The following MCF2L variants were observed in gnomAD, a reference collection of about 807,000 sequenced individuals.
MCF2L encodes guanine nucleotide exchange factor DBS.
In MCF2L, 97 loss-of-function variants were observed where a neutral mutation model predicts 153.4. The observed-to-expected ratio is 0.63, with a 90% CI of 0.54 to 0.75. The LOEUF (loss-of-function observed/expected upper bound fraction) is 0.75, where lower values mean the gene tolerates loss of function less well. MCF2L is among the 30% of genes least tolerant of loss of function. MCF2L has a pLI of 0.00. For synonymous variants in MCF2L, 659 were observed against 632.2 expected, an observed-to-expected ratio of 1.04 and a Z score of -0.64; for missense variants, 1,347 against 1,495.2, an observed-to-expected ratio of 0.90 and a Z score of 1.64.
At chr13:112,900,136 T>G (rs934794505) in intron 1 of MCF2L, among the ~76,000 whole-genome samples, 11 of 152,196 alleles carry the variant, frequency 7.2e-5, no homozygotes, top group African/African-American at 2.7e-4. Flanking sequence ...TGAGGAGAAT[T>G]TGGAAGAGAA....
Position 113,045,135 on chromosome 13 carries a change from T to C in MCF2L, c.279-136T>C. 1.1e-6 allele frequency: 1 copy of C among 927,350 alleles called. No individual in the cohort carries two copies. 57.4% of individuals were successfully genotyped at this position (927,350 alleles called of 1,614,324 possible). On this transcript the variant is annotated intron_variant, in intron 3 of 29. Coordinates refer to ENST00000535094, the MANE Select transcript of MCF2L (RefSeq NM_001112732.3). The surrounding 1 kb of genome is among the most constrained non-coding windows in gnomAD (Gnocchi z 4.2). ...GGGCTGCCGGGGCCCCCGTGTGCCA[T>C]GCCTCTCACCTGGTATTGCAGAAAT...
intron 3 of MCF2L, among the ~76,000 whole-genome samples, chr13:113,025,063 T>C (rs377439969): frequency 1.2e-5 from 1 of 83,582 alleles, no homozygotes. Flanking sequence ...TGACTGTGGG[T>C]CGGGGCAGAG....
chr13:113,056,839 G>A (rs1317063447), intron 4 of MCF2L, among the ~76,000 whole-genome samples: 2 of 147,848 alleles, frequency 1.4e-5, no homozygotes, highest in Non-Finnish European at 3.0e-5. Context: ...GGTGCTGTGT[G>A]TTTGGGTGCT....
chr13:113,095,549 GGA>G, intron 27 of MCF2L: 1 of 1,025,586 alleles, frequency 9.8e-7, no homozygotes, highest in Non-Finnish European at 1.2e-6. Context: ...CACAGAGGCA[GGA>G]GCCAGTACAG....
Position 113,064,187 on chromosome 13 carries a change from G to A in MCF2L, c.490-117G>A, listed in dbSNP as rs2297188. 8,482 of 785,474 alleles carry A rather than the reference G, an allele frequency of 0.011. 297 individuals are homozygous for A. Among genetic ancestry groups the A allele is most frequent in the East Asian group, 0.085 (3,464 of 40,882 alleles). The allele number at this position is 785,474 out of a possible 1,614,324, so 48.7% of individuals were successfully genotyped here. A position where few individuals can be genotyped will look rare whatever the true frequency, so the allele number is the denominator to read the frequency against. On this transcript the variant is annotated intron_variant, in intron 5 of 29. Coordinates refer to ENST00000535094, the MANE Select transcript of MCF2L (RefSeq NM_001112732.3). This position sits in a 1 kb window ranked among gnomAD's most constrained non-coding sequence, Gnocchi z 6.0. ...GGTGCCCCCACCCACACAGCCGCCCGCAGCATCCAGGCAGACGTGGTCCTC... is the reference window on the plus strand; with the variant it reads ...GGTGCCCCCACCCACACAGCCGCCCACAGCATCCAGGCAGACGTGGTCCTC...
In MCF2L at chr13:112,974,963, G is replaced by A. The variant is rs569225726; in HGVS notation, c.79+5505G>A. On this transcript the variant is annotated intron_variant, in intron 1 of 29. Transcript: ENST00000535094. ...TTCCTCCGCCGCCTACGACGTGCAG[G>A]CAGCACTCTCAACATAGCCCCTTCT... Among the ~76,000 whole-genome samples the A allele has an allele frequency of 8.4e-4, 128 of 152,330 alleles. 1 individual carries two copies. The highest frequency in any genetic ancestry group is 2.8e-3 in the African/African-American group (118 of 41,570).
intron 2 of MCF2L, among the ~76,000 whole-genome samples, chr13:113,018,754 G>A (rs887962474): frequency 2.6e-5 from 4 of 152,332 alleles, no homozygotes; most frequent in East Asian, 3.9e-4. Flanking sequence ...ACTTGCCACC[G>A]GTGAAAACCA....
Position 113,086,352 on chromosome 13 carries a change from G to A in MCF2L, c.2373+103G>A, listed in dbSNP as rs1158302563. 2.0e-6 allele frequency: 3 copies of A among 1,520,580 alleles called. No homozygotes were observed. The East Asian group carries it at 7.3e-5, about 37-fold the overall frequency. The allele number at this position is 1,520,580 out of a possible 1,614,324, so 94.2% of individuals were successfully genotyped here. On this transcript the variant is annotated intron_variant, in intron 21 of 29. Transcript: ENST00000535094. Reference sequence around the variant, plus strand: ...ACACGCCCCTCGCTTTGGTGTGAATGTGCAGGTTCTGGGCAGGAGGTCTGG... The same window carrying A: ...ACACGCCCCTCGCTTTGGTGTGAATATGCAGGTTCTGGGCAGGAGGTCTGG...
Position 112,923,257 on chromosome 13 carries a change from C to CTTTTTTTTTTTTTTTTTTTTTTTTTT in MCF2L, c.169+20910_169+20911insTTTTTTTTTTTTTTTTTTTTTTTTTT, listed in dbSNP as rs57030206. ...TCTCCATGAACTTCAGTGTTTGCTT[C>CTTTTTTTTTTTTTTTTTTTTTTTTTT]TTTTTTTTTTTTTTTTTTTTTTTTG... On this transcript the variant is annotated intron_variant, in intron 2 of 29. Transcript: ENST00000375608. 2.5e-5 allele frequency among the ~76,000 whole-genome samples: 2 copies of CTTTTTTTTTTTTTTTTTTTTTTTTTT among 78,446 alleles called. 1 individual carries two copies. The highest frequency in any genetic ancestry group is 4.6e-5 in the Non-Finnish European group (2 of 43,896). 51.5% of individuals were successfully genotyped at this position (78,446 alleles called of 152,430 possible).
intron 2 of MCF2L, among the ~76,000 whole-genome samples, chr13:113,021,713 C>A (rs1027274865): frequency 1.3e-5 from 2 of 152,224 alleles, no homozygotes; most frequent in African/African-American, 4.8e-5. Flanking sequence ...GCTGTGCCCC[C>A]AGCTCCGCGT....
At chr13:112,917,982 C>G (rs1484579905) in intron 2 of MCF2L, among the ~76,000 whole-genome samples, 1 of 152,196 alleles carries the variant, frequency 6.6e-6, no homozygotes, top group African/African-American at 2.4e-5. Context: ...ATTTCCTGGT[C>G]TGTTTGAAGT....
intron 20 of MCF2L, 103 bp from the exon 21 acceptor site, chr13:113,086,021 G>A (rs2034606416): frequency 1.6e-6 from 2 of 1,280,006 alleles, no homozygotes; most frequent in Non-Finnish European, 2.1e-6. Context: ...CCAGGGGAGG[G>A]TGAGCAGCAT....
intron 4 of MCF2L, among the ~76,000 whole-genome samples, chr13:113,050,276 C>CTGTG (rs1555375352): frequency 3.3e-5 from 5 of 149,274 alleles, no homozygotes; most frequent in Non-Finnish European, 7.4e-5. Flanking sequence ...GTGTGTGAGA[C>CTGTG]TGTGAGTGTG....
chr13:113,069,718 C>T (rs2032674437), intron 8 of MCF2L, among the ~76,000 whole-genome samples: 1 of 152,206 alleles, frequency 6.6e-6, no homozygotes, highest in Admixed American at 6.5e-5. Flanking sequence ...GAACCAGACC[C>T]TATCTCAAAA....
chr13:112,928,438 G>A (rs1168203419), intron 2 of MCF2L, among the ~76,000 whole-genome samples: 2 of 152,244 alleles, frequency 1.3e-5, no homozygotes, highest in Admixed American at 1.3e-4. Context: ...TATAATCCTT[G>A]GAAATGTGCA....
intron 1 of MCF2L, among the ~76,000 whole-genome samples, chr13:112,988,834 A>G (rs2082765332): frequency 1.2e-5 from 1 of 81,438 alleles, no homozygotes; most frequent in African/African-American, 4.7e-5. Context: ...TGAGCAGGGG[A>G]TGGAGCTACC....
At chr13:113,014,580 G>A (rs1017814925) in intron 1 of MCF2L, among the ~76,000 whole-genome samples, 183 bp from the exon 2 acceptor site, 8 of 152,158 alleles carry the variant, frequency 5.3e-5, no homozygotes, top group African/African-American at 1.9e-4. Flanking sequence ...TCAACACACA[G>A]CTTTTATGCG....
chr13:112,921,650 A>G (rs963569111), intron 2 of MCF2L, among the ~76,000 whole-genome samples: 1 of 152,264 alleles, frequency 6.6e-6, no homozygotes, highest in Non-Finnish European at 1.5e-5. Flanking sequence ...AACTGATTGT[A>G]TTTTGGACGA....
chr13:112,914,564 C>G (rs2081270849), intron 2 of MCF2L, among the ~76,000 whole-genome samples: 1 of 152,250 alleles, frequency 6.6e-6, no homozygotes, highest in Non-Finnish European at 1.5e-5. Context: ...CACACTCGCT[C>G]TGTGAGCCAC....
Sources: allele counts gnomAD v4.1 joint callset (sites outside exome capture counted in the v4.1 genomes callset), GRCh38; gene constraint gnomAD v4.1.1; non-coding constraint Gnocchi (gnomAD v3.1); transcripts MANE v1.5; gene names NCBI Gene and HGNC (gene_info 2026-07-23, HGNC 2026-07-21).